RIMS2: variants seen among roughly 807,000 people sequenced by gnomAD.
RIMS2 encodes the protein regulating synaptic membrane exocytosis protein 2.
Under a neutral mutation model 174.4 loss-of-function variants are expected in RIMS2, and 59 were observed. The ratio of observed to expected loss-of-function variants is 0.34; its 90% CI spans 0.27 to 0.42. The LOEUF (loss-of-function observed/expected upper bound fraction) is 0.42. RIMS2 is among the 10% of genes least tolerant of loss of function. The pLI is 1.00. For synonymous variants in RIMS2, 606 were observed against 572.5 expected, an observed-to-expected ratio of 1.06 and a Z score of -0.84; for missense variants, 1,620 against 1,666.3, an observed-to-expected ratio of 0.97 and a Z score of 0.48.
At chr8:103,621,044 A>C (rs1240418754) in intron 1 of RIMS2, among the ~76,000 whole-genome samples, 1 of 152,250 alleles carries the variant, frequency 6.6e-6, no homozygotes, top group East Asian at 1.9e-4. Context: ...AAATTGAAAA[A>C]CATAGCCAAA....
intron 1 of RIMS2, among the ~76,000 whole-genome samples, chr8:103,598,871 T>C (rs543988901): frequency 6.6e-6 from 1 of 152,268 alleles, no homozygotes; most frequent in South Asian, 2.1e-4. Context: ...TGCTTCTGTC[T>C]ATAAGGGGGA....
At chr8:103,501,051 G>C in exon 1 of RIMS2, 1 of 1,605,436 alleles carries the variant, frequency 6.2e-7, no homozygotes, top group African/African-American at 1.3e-5. Flanking sequence ...AGAAGGAGCA[G>C]TCCGTGCTCA....
At chr8:103,672,262 CTT>C (rs2096754207) in intron 1 of RIMS2, among the ~76,000 whole-genome samples, 1 of 151,532 alleles carries the variant, frequency 6.6e-6, no homozygotes, top group African/African-American at 2.4e-5. Context: ...TCTACTATCT[CTT>C]ATTAATATTA....
rs574404391 is a variant in RIMS2, at chr8:103,970,944, G to T, written c.2771-4406G>T. Reference sequence around the variant, plus strand: ...CAGAGGTAACTTTGATATTTGCATTGTTAATGTTCTTTAAAGTAAGTTGAA... The same window carrying T: ...CAGAGGTAACTTTGATATTTGCATTTTTAATGTTCTTTAAAGTAAGTTGAA... On this transcript the variant is annotated intron_variant, in intron 15 of 23. Coordinates refer to ENST00000504942, the Ensembl canonical transcript of RIMS2. Among the ~76,000 whole-genome samples the T allele has an allele frequency of 9.9e-5, 15 of 152,128 alleles. No individual in the cohort carries two copies. In the South Asian group the frequency reaches 3.1e-3, roughly 32 times the overall value.
chr8:104,090,297 A>G (rs1377109672), intron 19 of RIMS2, among the ~76,000 whole-genome samples: 1 of 151,802 alleles, frequency 6.6e-6, no homozygotes, highest in African/African-American at 2.4e-5. Context: ...GTCTTGGATA[A>G]AGATATGCAC....
At chr8:103,804,753 A>G (rs1188431837) in intron 3 of RIMS2, among the ~76,000 whole-genome samples, 22 of 152,108 alleles carry the variant, frequency 1.4e-4, no homozygotes, top group Admixed American at 1.4e-3. Flanking sequence ...AAAACCCAAG[A>G]GGAGTTTTTA....
chr8:103,818,860 A>C (rs2098734132), intron 3 of RIMS2, among the ~76,000 whole-genome samples: 1 of 152,202 alleles, frequency 6.6e-6, no homozygotes, highest in South Asian at 2.1e-4. Flanking sequence ...TTTTAAATGC[A>C]GATGATAAAT....
chr8:103,928,559 A>G (rs2079224490), intron 11 of RIMS2, among the ~76,000 whole-genome samples: 2 of 151,366 alleles, frequency 1.3e-5, no homozygotes, highest in South Asian at 2.1e-4. Context: ...TAATGGCAAT[A>G]TAGTTTTTTT....
intron 19 of RIMS2, among the ~76,000 whole-genome samples, chr8:104,061,175 A>G (rs2096979890): frequency 6.6e-6 from 1 of 152,172 alleles, no homozygotes; most frequent in Non-Finnish European, 1.5e-5. Context: ...TAGGGTGTTT[A>G]AAGTCTGCCG....
chr8:103,799,891 C>T (rs927908615), intron 3 of RIMS2, among the ~76,000 whole-genome samples: 1 of 152,072 alleles, frequency 6.6e-6, no homozygotes, highest in African/African-American at 2.4e-5. Context: ...CTCTTTTAGT[C>T]ATGATTAAAA....
chr8:104,142,158 C>A (rs2098587117), intron 19 of RIMS2, among the ~76,000 whole-genome samples: 1 of 140,834 alleles, frequency 7.1e-6, no homozygotes, highest in Admixed American at 7.4e-5. Flanking sequence ...CAGAGTTTCG[C>A]TCTTGTTGCC....
At chr8:104,250,296 C>G (rs2099354877) in intron 22 of RIMS2, among the ~76,000 whole-genome samples, 1 of 152,134 alleles carries the variant, frequency 6.6e-6, no homozygotes, top group South Asian at 2.1e-4. Context: ...TTTTCTATTT[C>G]TAGCTTCAGC....
chr8:103,820,148 T>C (rs1244705518), intron 3 of RIMS2, among the ~76,000 whole-genome samples: 1 of 152,102 alleles, frequency 6.6e-6, no homozygotes, highest in African/African-American at 2.4e-5. Context: ...GGTCAGCTAA[T>C]TTGGCAGGAT....
chr8:104,153,208 T>C lies in RIMS2; in HGVS notation c.3335-91708T>C, dbSNP rs1464452303. ...TGGAAACTCATCTTTTAAATCACTGTTTCTAAAGAATTGAGTATGACTTGA... is the reference window on the plus strand; with the variant it reads ...TGGAAACTCATCTTTTAAATCACTGCTTCTAAAGAATTGAGTATGACTTGA... On this transcript the variant is annotated intron_variant, in intron 19 of 23. Transcript: ENST00000504942. Among the ~76,000 whole-genome samples, 3 of 152,160 alleles carry C rather than the reference T, an allele frequency of 2.0e-5. No individual in the cohort carries two copies. The East Asian group carries it at 5.8e-4, about 29-fold the overall frequency.
At chr8:104,103,244 A>C (rs2097944559) in intron 19 of RIMS2, among the ~76,000 whole-genome samples, 1 of 152,308 alleles carries the variant, frequency 6.6e-6, no homozygotes, top group Middle Eastern at 3.4e-3. Flanking sequence ...GAGACTGGAG[A>C]ATGACTACTA....
chr8:103,878,034 C>T (rs144385880), intron 3 of RIMS2, among the ~76,000 whole-genome samples: 299 of 151,792 alleles, frequency 2.0e-3, no homozygotes, highest in Non-Finnish European at 3.4e-3. Flanking sequence ...CCTGTTGAGA[C>T]GTGATTTGAT....
rs985319619 is a variant in RIMS2, at chr8:103,620,490, G to A, written c.177-76596G>A. 1.0e-3 allele frequency among the ~76,000 whole-genome samples: 159 copies of A among 152,020 alleles called. 1 individual carries two copies. Among genetic ancestry groups the A allele is most frequent in the African/African-American group, 3.5e-3 (145 of 41,476 alleles). ...TACTTACTCAAGCTTATCATTATTA[G>A]TTTGGGGTGAAAACCTGTTTTTTAT... On this transcript the variant is annotated intron_variant, in intron 1 of 23. Coordinates refer to ENST00000504942, the Ensembl canonical transcript of RIMS2.
intron 1 of RIMS2, chr8:103,568,580 C>A (rs1288082147): frequency 7.8e-6 from 4 of 512,586 alleles, no homozygotes; most frequent in Admixed American, 2.5e-5. Flanking sequence ...ATGGGTACTA[C>A]TTCTTGTCTT....
chr8:103,580,825 C>CTTTTTTTTTTTTTTTTTTTTT, intron 1 of RIMS2, among the ~76,000 whole-genome samples: 1 of 113,458 alleles, frequency 8.8e-6, no homozygotes, highest in Non-Finnish European at 1.7e-5. Flanking sequence ...AAAGGGAATA[C>CTTTTTTTTTTTTTTTTTTTTT]TTTTTTTTTT....
Sources: gnomAD v4.1 joint callset for allele counts (sites outside exome capture counted in the v4.1 genomes callset) on GRCh38, gnomAD v4.1.1 for gene constraint, MANE v1.5 for transcripts, NCBI Gene and HGNC (gene_info 2026-07-23, HGNC 2026-07-21) for gene names.